Variants in ADGRB1 observed in about 807,000 individuals in gnomAD.
ADGRB1 encodes brain-specific angiogenesis inhibitor 1.
A neutral mutation model predicts 175.7 loss-of-function variants in ADGRB1; 36 were observed. The observed-to-expected ratio is 0.20, with a 90% CI of 0.16 to 0.27. The LOEUF (loss-of-function observed/expected upper bound fraction) is 0.27, where lower values mean the gene tolerates loss of function less well. ADGRB1 is among the 10% of genes least tolerant of loss of function. The pLI is 1.00. For synonymous variants in ADGRB1, 1,054 were observed against 979.4 expected (o/e 1.08, Z -1.42); for missense variants, 1,731 against 2,255.3 (o/e 0.77, Z 4.71).
At chr8:142,507,859 C>T (rs919284084) in intron 17 of ADGRB1, among the ~76,000 whole-genome samples, 1 of 152,178 alleles carries the variant, frequency 6.6e-6, no homozygotes, top group African/African-American at 2.4e-5. Flanking sequence ...GTCTGCAGGA[C>T]TCTTCCTGGG....
intron 2 of ADGRB1, among the ~76,000 whole-genome samples, chr8:142,470,595 C>T (rs562170751): frequency 6.6e-5 from 10 of 152,060 alleles, no homozygotes; most frequent in African/African-American, 2.4e-4. Context: ...TGTGTGTCCT[C>T]GAGTGTATAT....
chr8:142,452,045 C>T (rs1041715136), intron 1 of ADGRB1, among the ~76,000 whole-genome samples: 17 of 152,302 alleles, frequency 1.1e-4, no homozygotes, highest in African/African-American at 3.8e-4. Context: ...GTGCGCAGCC[C>T]GCCGAGTCAG....
chr8:142,542,359 C>A lies in ADGRB1; in HGVS notation c.4125C>A (p.Thr1375=). The A allele has an allele frequency of 6.3e-7, 1 of 1,597,532 alleles. No homozygotes were observed. The highest frequency in any genetic ancestry group is 1.1e-5 in the South Asian group (1 of 89,136). The change falls in exon 28 of 31, where the codon ACC becomes ACA. Residue 1375 remains threonine (T), a synonymous_variant. Coordinates refer to ENST00000517894, the MANE Select transcript of ADGRB1 (RefSeq NM_001702.3). This position sits in a 1 kb window ranked among gnomAD's most constrained non-coding sequence, Gnocchi z 6.3. The part of the protein sequence containing the change: ...YSIHIDQMPQ[T]RLIHLSTAPE... ...TCCACATTGACCAGATGCCGCAGACCCGCCTCATCCACCTCAGCACGGCCC... is the reference window on the plus strand; with the variant it reads ...TCCACATTGACCAGATGCCGCAGACACGCCTCATCCACCTCAGCACGGCCC...
chr8:142,522,611 G>T (rs763175576), intron 21 of ADGRB1, 30 bp from the exon 22 acceptor site: 44 of 1,537,596 alleles, frequency 2.9e-5, no homozygotes, highest in Non-Finnish European at 3.1e-5. Flanking sequence ...CTTGGGTGGG[G>T]CCAACACCCT....
At chr8:142,539,586 G>C (rs1845144108) in intron 27 of ADGRB1, 173 bp downstream of exon 27, 10 of 777,774 alleles carry the variant, frequency 1.3e-5, no homozygotes, top group Middle Eastern at 3.4e-4. Flanking sequence ...TGCCCTGGGG[G>C]CCCAGCCTTC....
At position 142,478,073 on chromosome 8, in the gene ADGRB1, A is replaced by G. The variant is rs964602736; in HGVS notation, c.1388-114A>G. 12 of 1,409,730 alleles carry G rather than the reference A, an allele frequency of 8.5e-6. 1 individual carries two copies. Among genetic ancestry groups the G allele is most frequent in the African/African-American group, 4.3e-5 (3 of 70,226 alleles). 87.3% of individuals were successfully genotyped at this position (1,409,730 alleles called of 1,614,324 possible). A position where few individuals can be genotyped will look rare whatever the true frequency, so the allele number is the denominator to read the frequency against. ...GGTGGCCCCCAGGGTGTTCTCATCT[A>G]TGTCCCAGGCTGGGTGTGGGGTGGT... On this transcript the variant is annotated intron_variant, in intron 6 of 30. Transcript: ENST00000517894.
Position 142,479,403 on chromosome 8 carries a change from G to C in ADGRB1, c.1642G>C (p.Val548Leu). ...CGAGSQRRER[V>L]CSGPFFGGAA... ...GGCTGGCAGCCAGCGACGGGAGCGTGTCTGCTCTGGGCCCTTCTTCGGGGG... is the reference window on the plus strand; with the variant it reads ...GGCTGGCAGCCAGCGACGGGAGCGTCTCTGCTCTGGGCCCTTCTTCGGGGG... Residue 548 changes from valine to leucine, a missense_variant, in exon 8 of 31, where the codon GTC becomes CTC. Val to Leu is a conservative substitution (Grantham distance 32). Coordinates refer to ENST00000517894, the MANE Select transcript of ADGRB1 (RefSeq NM_001702.3). 6.5e-7 allele frequency: 1 copy of C among 1,541,758 alleles called. No individual in the cohort carries two copies. The highest frequency in any genetic ancestry group is 1.4e-5 in the African/African-American group (1 of 71,426).
At chr8:142,532,596 GTC>G (rs1309251816) in intron 24 of ADGRB1, among the ~76,000 whole-genome samples, 2 of 152,130 alleles carry the variant, frequency 1.3e-5, no homozygotes, top group Non-Finnish European at 2.9e-5. Flanking sequence ...GTTGCCGTCT[GTC>G]TCTGTCTCTC....
At chr8:142,526,461 C>A in intron 23 of ADGRB1, 81 bp from the exon 24 acceptor site, 2 of 1,314,054 alleles carry the variant, frequency 1.5e-6, no homozygotes, top group Non-Finnish European at 1.1e-6. Flanking sequence ...GTTGGCGTAG[C>A]CAGCATCGGT....
intron 2 of ADGRB1, among the ~76,000 whole-genome samples, chr8:142,469,235 G>A (rs1325902175): frequency 1.3e-5 from 2 of 152,060 alleles, no homozygotes; most frequent in Non-Finnish European, 1.5e-5. Context: ...GAATGTGAAT[G>A]TGTGCACACA....
Position 142,496,587 on chromosome 8 carries a change from C to T in ADGRB1, c.2675+5772C>T, listed in dbSNP as rs558697679. 2.0e-5 allele frequency among the ~76,000 whole-genome samples: 3 copies of T among 152,280 alleles called. No individual in the cohort carries two copies. The South Asian group carries it at 6.2e-4, about 32-fold the overall frequency. ...TTTTACACGTAAGAGTTGCAAATAT[C>T]TTTCAGTCTTTTAAAACTGCTTTAA... On this transcript the variant is annotated intron_variant, in intron 17 of 30. Transcript: ENST00000517894.
At chr8:142,503,333 G>C (rs956150774) in intron 17 of ADGRB1, among the ~76,000 whole-genome samples, 6 of 152,092 alleles carry the variant, frequency 3.9e-5, no homozygotes, top group African/African-American at 1.4e-4. Flanking sequence ...GGATCTGCTA[G>C]AGCCAGGGCA....
At chr8:142,498,616 C>A (rs1195555474) in intron 17 of ADGRB1, among the ~76,000 whole-genome samples, 1 of 152,024 alleles carries the variant, frequency 6.6e-6, no homozygotes. Context: ...AGATGAGGGA[C>A]CACTATATTG....
chr8:142,475,460 T>C lies in ADGRB1; in HGVS notation c.785-14T>C, dbSNP rs1840909077. ...CTGCCCTGCCCTGATCCCCGCCCTC[T>C]GGTTTCCCCCCAGGCGGCTGGAAGC... On this transcript the variant is annotated splice_polypyrimidine_tract_variant and intron_variant, in intron 2 of 30. Transcript: ENST00000517894. 1 of 1,289,090 alleles carries C rather than the reference T, an allele frequency of 7.8e-7. No homozygotes were observed. Among genetic ancestry groups the C allele is most frequent in the East Asian group, 2.8e-5 (1 of 35,292 alleles). 79.9% of individuals were successfully genotyped at this position (1,289,090 alleles called of 1,614,324 possible). A position where few individuals can be genotyped will look rare whatever the true frequency, so the allele number is the denominator to read the frequency against.
At chr8:142,488,254 G>A (rs1841791502) in intron 13 of ADGRB1, 110 bp from the exon 14 acceptor site, 10 of 1,449,060 alleles carry the variant, frequency 6.9e-6, no homozygotes, top group East Asian at 4.6e-5. Flanking sequence ...GGCACCCCGC[G>A]GCATCAGCCT....
intron 3 of ADGRB1, among the ~76,000 whole-genome samples, chr8:142,475,857 A>G (rs554718195): frequency 8.8e-6 from 1 of 114,038 alleles, no homozygotes; most frequent in East Asian, 2.5e-4. Flanking sequence ...GGAAGAGTGA[A>G]TAGGGTGGGT....
rs1285193158 is a variant in ADGRB1 at position 142,477,396 on chromosome 8, T to A, written c.1234T>A (p.Trp412Arg). 1 of 1,608,060 alleles carries A rather than the reference T, an allele frequency of 6.2e-7. No individual in the cohort carries two copies. Among genetic ancestry groups the A allele is most frequent in the Non-Finnish European group, 8.5e-7 (1 of 1,179,556 alleles). ...NSAVCPVHGA[W>R]DEWSPWSLCS... ...CCGTCCCTCTGCAGTGCATGGTGCC[T>A]GGGATGAGTGGTCGCCCTGGAGCCT... The change falls in exon 6 of 31, where the codon TGG becomes AGG. Residue 412 changes from tryptophan (W) to arginine (R), a missense_variant. Trp to Arg is a moderately radical substitution (Grantham distance 101). Transcript: ENST00000517894.
In ADGRB1 at chr8:142,542,476, T is replaced by TCCGCCC. The variant is rs1167450065; in HGVS notation, c.4245_4250dup (p.Pro1421_Pro1422dup). 1.7e-6 allele frequency: 1 copy of TCCGCCC among 578,408 alleles called. No individual in the cohort carries two copies. The highest frequency in any genetic ancestry group is 2.2e-6 in the Non-Finnish European group (1 of 459,294). The allele number at this position is 578,408 out of a possible 1,614,324, so 35.8% of individuals were successfully genotyped here. A position where few individuals can be genotyped will look rare whatever the true frequency, so the allele number is the denominator to read the frequency against. On this transcript the variant is annotated inframe_insertion, in exon 28 of 31. Transcript: ENST00000517894. The surrounding 1 kb of genome is among the most constrained non-coding windows in gnomAD (Gnocchi z 6.3). The stretch of plus-strand genomic sequence containing the variant: ...CACCCCCTGCCCAGCCCCCACCGCC[T>TCCGCCC]CCGCCCCCACCGCCACCACCTCCCC...
intron 2 of ADGRB1, among the ~76,000 whole-genome samples, chr8:142,471,080 G>A (rs1160652673): frequency 6.6e-6 from 1 of 152,136 alleles, no homozygotes; most frequent in Non-Finnish European, 1.5e-5. Context: ...AGGTGCCAAG[G>A]TCTCCACTGT....
Sources: allele counts gnomAD v4.1 joint callset (sites outside exome capture counted in the v4.1 genomes callset), GRCh38; gene constraint gnomAD v4.1.1; non-coding constraint Gnocchi (gnomAD v3.1); transcripts MANE v1.5; gene names NCBI Gene and HGNC (gene_info 2026-07-23, HGNC 2026-07-21).